Variants in OXCT1 observed in about 807,000 individuals in gnomAD.
OXCT1 encodes 3-oxoacid CoA-transferase 1.
Under a neutral mutation model 69.6 loss-of-function variants are expected in OXCT1, and 27 were observed. That is an observed-to-expected ratio of 0.39 (90% CI 0.29 to 0.54). The LOEUF is 0.54. Among genes scored for constraint, OXCT1 ranks in the 20% least tolerant of loss-of-function variants. OXCT1 has a pLI of 0.72. For missense variants in OXCT1, 437 were observed against 650.2 expected (o/e 0.67, Z 3.57); for synonymous variants, 202 against 217.8 (o/e 0.93, Z 0.64).
intron 16 of OXCT1, among the ~76,000 whole-genome samples, chr5:41,737,598 G>T (rs1742950920): frequency 1.3e-5 from 2 of 152,178 alleles, no homozygotes; most frequent in South Asian, 4.1e-4. Context: ...TCCCCTTGAG[G>T]TTATTGAAAG....
intron 7 of OXCT1, among the ~76,000 whole-genome samples, chr5:41,817,456 C>A (rs1055056090): frequency 6.6e-6 from 1 of 152,204 alleles, no homozygotes; most frequent in Non-Finnish European, 1.5e-5. Context: ...CATTCTATTA[C>A]AAGACCATAA....
intron 3 of OXCT1, among the ~76,000 whole-genome samples, chr5:41,854,286 G>A (rs1292232120): frequency 6.6e-6 from 1 of 152,048 alleles, no homozygotes; most frequent in Non-Finnish European, 1.5e-5. Context: ...TTTTAAAGCT[G>A]GCGCTCAATT....
chr5:41,765,724 A>C (rs959340946), intron 13 of OXCT1, among the ~76,000 whole-genome samples: 1 of 152,142 alleles, frequency 6.6e-6, no homozygotes, highest in Non-Finnish European at 1.5e-5. Context: ...TGTCCAACAC[A>C]CTGCTTGACA....
intron 8 of OXCT1, among the ~76,000 whole-genome samples, chr5:41,807,001 A>ACCACCAAAGACATGATTATT (rs1215358721): frequency 6.6e-6 from 1 of 152,048 alleles, no homozygotes; most frequent in Non-Finnish European, 1.5e-5. Flanking sequence ...CAGGGATAAA[A>ACCACCAAAGACATGATTATT]CCACCAAAGA....
At chr5:41,738,768 T>G (rs1449536706) in intron 16 of OXCT1, among the ~76,000 whole-genome samples, 2 of 152,238 alleles carry the variant, frequency 1.3e-5, no homozygotes, top group East Asian at 3.8e-4. Context: ...TTATTTATAT[T>G]CTCAGTAATA....
At chr5:41,732,392 C>A (rs974007899) in intron 16 of OXCT1, among the ~76,000 whole-genome samples, 4 of 152,134 alleles carry the variant, frequency 2.6e-5, no homozygotes, top group Non-Finnish European at 5.9e-5. Flanking sequence ...GTGTATAAAA[C>A]AGTCAATGCT....
intron 7 of OXCT1, among the ~76,000 whole-genome samples, chr5:41,826,449 T>A (rs1259697581): frequency 2.0e-5 from 3 of 151,998 alleles, no homozygotes; most frequent in African/African-American, 7.2e-5. Context: ...GCGGGAGGGA[T>A]TAAGGTGAGC....
chr5:41,745,303 T>C (rs1743414994), intron 15 of OXCT1, among the ~76,000 whole-genome samples: 1 of 152,044 alleles, frequency 6.6e-6, no homozygotes, highest in South Asian at 2.1e-4. Flanking sequence ...GAATGACTAC[T>C]GGGTACATAA....
At chr5:41,859,903 T>C (rs1249207780) in intron 3 of OXCT1, among the ~76,000 whole-genome samples, 2 of 139,922 alleles carry the variant, frequency 1.4e-5, no homozygotes, top group African/African-American at 2.5e-5. Flanking sequence ...TATATATATA[T>C]ATATACACAC....
intron 7 of OXCT1, among the ~76,000 whole-genome samples, chr5:41,820,509 G>A (rs1312203446): frequency 1.3e-5 from 2 of 152,090 alleles, no homozygotes; most frequent in Non-Finnish European, 2.9e-5. Flanking sequence ...TAGAATTGTT[G>A]ATATGTTTTA....
At chr5:41,801,713 A>C (rs1368023235) in intron 10 of OXCT1, among the ~76,000 whole-genome samples, 1 of 151,774 alleles carries the variant, frequency 6.6e-6, no homozygotes, top group Non-Finnish European at 1.5e-5. Flanking sequence ...TTCTAATCTT[A>C]CTCCTCACTA....
At chr5:41,805,333 A>G (rs75315660) in intron 9 of OXCT1, among the ~76,000 whole-genome samples, 3,975 of 152,108 alleles carry the variant, frequency 0.026, 77 homozygotes, top group Non-Finnish European at 0.039. Flanking sequence ...GAAAATAGCT[A>G]AGCAAATTAT....
At chr5:41,833,776 T>C (rs986255320) in intron 7 of OXCT1, among the ~76,000 whole-genome samples, 3 of 152,184 alleles carry the variant, frequency 2.0e-5, no homozygotes, top group Admixed American at 6.5e-5. Flanking sequence ...GTGTAGAGTT[T>C]TGGCTGGATG....
At chr5:41,840,737 T>G (rs1346301779) in intron 6 of OXCT1, among the ~76,000 whole-genome samples, 1 of 152,126 alleles carries the variant, frequency 6.6e-6, no homozygotes, top group African/African-American at 2.4e-5. Context: ...TTGAACAGGA[T>G]TGAGGGAAAG....
intron 5 of OXCT1, among the ~76,000 whole-genome samples, chr5:41,849,228 A>T (rs1749068446): frequency 6.6e-6 from 1 of 152,222 alleles, no homozygotes; most frequent in South Asian, 2.1e-4. Flanking sequence ...GGGCACAGCC[A>T]GCATCCCCAT....
At chr5:41,830,737 T>C (rs1031787590) in intron 7 of OXCT1, among the ~76,000 whole-genome samples, 3 of 152,212 alleles carry the variant, frequency 2.0e-5, no homozygotes, top group Non-Finnish European at 4.4e-5. Flanking sequence ...TATCCCAACA[T>C]TCTTTTTATT....
intron 3 of OXCT1, among the ~76,000 whole-genome samples, chr5:41,855,014 T>A (rs186561618): frequency 6.6e-6 from 1 of 152,154 alleles, no homozygotes; most frequent in Admixed American, 6.5e-5. Flanking sequence ...ATGGCCAAAA[T>A]TGGAGCCTCC....
chr5:41,839,635 C>G (rs1173865933), intron 7 of OXCT1, among the ~76,000 whole-genome samples: 1 of 152,198 alleles, frequency 6.6e-6, no homozygotes, highest in Non-Finnish European at 1.5e-5. Flanking sequence ...ATACACTGTA[C>G]TGACTTCATG....
intron 12 of OXCT1, 35 bp from the exon 13 acceptor site, chr5:41,794,113 A>C: frequency 2.0e-6 from 3 of 1,517,672 alleles, no homozygotes; most frequent in Non-Finnish European, 2.7e-6. Context: ...AGTGAACCTC[A>C]TAAGCTTTTG....
Sources: gnomAD v4.1 joint callset for allele counts (sites outside exome capture counted in the v4.1 genomes callset) on GRCh38, gnomAD v4.1.1 for gene constraint, MANE v1.5 for transcripts, NCBI Gene and HGNC (gene_info 2026-07-23, HGNC 2026-07-21) for gene names.